DAB1: variants seen among roughly 807,000 people sequenced by gnomAD.
DAB1 encodes the protein DAB adaptor protein 1.
A neutral mutation model predicts 64.6 loss-of-function variants in DAB1; 15 were observed. The ratio of observed to expected loss-of-function variants is 0.23; its 90% CI spans 0.16 to 0.36. The LOEUF (loss-of-function observed/expected upper bound fraction) is 0.36. DAB1 is among the 10% of genes least tolerant of loss of function. The pLI is 1.00. For synonymous variants in DAB1, 235 were observed against 251.9 expected, an observed-to-expected ratio of 0.93 and a Z score of 0.64; for missense variants, 596 against 706.7, an observed-to-expected ratio of 0.84 and a Z score of 1.78.
At chr1:57,847,628 T>G (rs1426650973) in intron 1 of DAB1, among the ~76,000 whole-genome samples, 2 of 152,090 alleles carry the variant, frequency 1.3e-5, no homozygotes, top group Non-Finnish European at 2.9e-5. Flanking sequence ...CAAAGTAGAA[T>G]TCAGGGTAAA....
At chr1:58,384,496 A>C (rs1351681683) in intron 3 of DAB1, among the ~76,000 whole-genome samples, 2 of 152,216 alleles carry the variant, frequency 1.3e-5, no homozygotes, top group African/African-American at 2.4e-5. Context: ...AAATTAGTTA[A>C]GAGGGTGTAT....
chr1:57,993,824 T>C (rs1038272067), intron 5 of DAB1, among the ~76,000 whole-genome samples: 2 of 152,208 alleles, frequency 1.3e-5, no homozygotes, highest in Non-Finnish European at 2.9e-5. Context: ...AAAGTTCAGT[T>C]GCACTGGTTC....
intron 1 of DAB1, among the ~76,000 whole-genome samples, chr1:57,336,608 G>A (rs976640222): frequency 7.2e-5 from 11 of 152,266 alleles, no homozygotes; most frequent in South Asian, 2.1e-4. Context: ...GCTTATCACC[G>A]TTTCCTTTTT....
chr1:57,182,127 T>C (rs524780), intron 2 of DAB1, among the ~76,000 whole-genome samples: 9,364 of 152,238 alleles, frequency 0.062, 405 homozygotes, highest in Middle Eastern at 0.12. Flanking sequence ...CCTTGTGATC[T>C]GCCCGCCTTG....
chr1:57,915,993 T>C (rs1040733960), intron 5 of DAB1, among the ~76,000 whole-genome samples: 4 of 152,214 alleles, frequency 2.6e-5, no homozygotes, highest in Non-Finnish European at 5.9e-5. Context: ...CGTTGTTGGT[T>C]GGCATTGCTG....
chr1:57,364,927 G>A (rs554824773), intron 1 of DAB1, among the ~76,000 whole-genome samples: 153 of 149,324 alleles, frequency 1.0e-3, no homozygotes, highest in Admixed American at 5.5e-3. Context: ...GTTACCTGGG[G>A]AAGGGGTATC....
At chr1:57,329,760 G>T (rs1454432926) in intron 1 of DAB1, among the ~76,000 whole-genome samples, 2 of 150,900 alleles carry the variant, frequency 1.3e-5, no homozygotes, top group Non-Finnish European at 2.9e-5. Context: ...AAGACACTCA[G>T]AACTGCAGAG....
chr1:57,434,408 C>T (rs1685615677), intron 7 of DAB1, among the ~76,000 whole-genome samples: 1 of 152,116 alleles, frequency 6.6e-6, no homozygotes, highest in Non-Finnish European at 1.5e-5. Flanking sequence ...TATTGTGATT[C>T]CATCCACATG....
chr1:57,760,236 G>A (rs1313044657), intron 6 of DAB1, among the ~76,000 whole-genome samples: 1 of 152,068 alleles, frequency 6.6e-6, no homozygotes, highest in African/African-American at 2.4e-5. Flanking sequence ...CATTATGCAG[G>A]TATGGCCTTG....
chr1:57,747,315 A>G (rs1331514127), intron 6 of DAB1, among the ~76,000 whole-genome samples: 2 of 151,952 alleles, frequency 1.3e-5, no homozygotes, highest in African/African-American at 4.8e-5. Context: ...TCCTCTTTGT[A>G]CCCTTATCCA....
chr1:58,468,526 T>G (rs1471065349), intron 3 of DAB1: 2 of 152,202 alleles, frequency 1.3e-5, no homozygotes, highest in African/African-American at 4.8e-5. Context: ...GCATTAGCAT[T>G]CTTCAGGAAG....
rs1248245735 is a variant in DAB1, at chr1:58,214,870, G to C, written n.310-64282C>G. Among the ~76,000 whole-genome samples the C allele has an allele frequency of 2.6e-5, 4 of 152,078 alleles. No individual in the cohort carries two copies. The East Asian group carries it at 7.7e-4, about 29-fold the overall frequency. The stretch of plus-strand genomic sequence containing the variant: ...CCACTGTGGCCTCATGGTGCTCTTT[G>C]GCCTCTACCTAGAGTGAGTGAGCAA... On this transcript the variant is annotated intron_variant and non_coding_transcript_variant, in intron 4 of 20. Transcript: ENST00000485760.
intron 3 of DAB1, among the ~76,000 whole-genome samples, chr1:58,352,180 G>C (rs142171649): frequency 1.2e-3 from 188 of 152,120 alleles, no homozygotes; most frequent in African/African-American, 4.2e-3. Context: ...AGGAAGCACT[G>C]ATTTTCTCTC....
At chr1:57,779,031 C>T (rs950864251) in intron 6 of DAB1, among the ~76,000 whole-genome samples, 9 of 151,874 alleles carry the variant, frequency 5.9e-5, no homozygotes, top group Admixed American at 1.3e-4. Context: ...CTGCCTACCT[C>T]GAGTCTACCT....
chr1:58,194,674 C>G (rs1021548782), intron 4 of DAB1, among the ~76,000 whole-genome samples: 2 of 152,166 alleles, frequency 1.3e-5, no homozygotes, highest in African/African-American at 4.8e-5. Flanking sequence ...CTAAATGGCA[C>G]TTTTATAGGT....
intron 1 of DAB1, among the ~76,000 whole-genome samples, chr1:57,391,323 C>CATGATCT (rs1682335521): frequency 6.6e-6 from 1 of 152,186 alleles, no homozygotes. Context: ...GTTACTTCTT[C>CATGATCT]ATGATCTATT....
intron 1 of DAB1, among the ~76,000 whole-genome samples, chr1:57,321,041 A>C (rs1424642163): frequency 1.3e-5 from 2 of 152,190 alleles, no homozygotes; most frequent in Non-Finnish European, 2.9e-5. Flanking sequence ...CAAATGCATT[A>C]ATTTTACAGA....
At chr1:58,071,396 GTGTGTGT>G (rs1557637222) in intron 5 of DAB1, among the ~76,000 whole-genome samples, 140 of 151,270 alleles carry the variant, frequency 9.3e-4, no homozygotes, top group African/African-American at 3.1e-3. Context: ...GTGTGTGTGT[GTGTGTGT>G]GTGGGTGGGG....
chr1:57,049,023 T>C (rs908551615), intron 9 of DAB1, among the ~76,000 whole-genome samples: 4 of 152,144 alleles, frequency 2.6e-5, no homozygotes, highest in African/African-American at 9.7e-5. Context: ...CAGCTCAGTT[T>C]TTCAACGTTG....
Sources: gnomAD v4.1 joint callset for allele counts (sites outside exome capture counted in the v4.1 genomes callset) on GRCh38, gnomAD v4.1.1 for gene constraint, MANE v1.5 for transcripts, NCBI Gene and HGNC (gene_info 2026-07-23, HGNC 2026-07-21) for gene names.